Variants in SCARF2 observed in about 807,000 individuals in gnomAD.
SCARF2 encodes the protein scavenger receptor expressed by endothelial cells 2 protein.
A neutral mutation model predicts 73.4 loss-of-function variants in SCARF2; 39 were observed. The ratio of observed to expected loss-of-function variants is 0.53; its 90% CI spans 0.41 to 0.69. SCARF2 has a LOEUF of 0.69. Ranked by LOEUF, SCARF2 falls within the 30% of genes least tolerant of loss-of-function variation. The pLI is 0.00. For synonymous variants in SCARF2, 605 were observed against 590.0 expected (o/e 1.03, Z -0.37); for missense variants, 1,148 against 1,303.5 (o/e 0.88, Z 1.84).
chr22:20,425,984 C>G lies in SCARF2; in HGVS notation c.1992G>C (p.Lys664Asn), dbSNP rs2052572779. ...PPPPDPATKP[K>N]VSWIHGKHSA... Reference sequence around the variant, plus strand: ...TGTGCTTGCCGTGGATCCAGGACACCTTAGGCTTGGTGGCGGGGTCAGGTG... The same window carrying G: ...TGTGCTTGCCGTGGATCCAGGACACGTTAGGCTTGGTGGCGGGGTCAGGTG... Residue 664 changes from lysine to asparagine, a missense_variant, in exon 11 of 11, where the codon AAG becomes AAC. Physicochemically the swap from Lys to Asn is moderately conservative, Grantham distance 94. This residue lies in a region of SCARF2 where 437 missense variants were observed against 433.6 expected (regional missense o/e 1.01). Coordinates refer to ENST00000622235, the MANE Select transcript of SCARF2 (RefSeq NM_182895.5). The surrounding 1 kb of genome is among the most constrained non-coding windows in gnomAD (Gnocchi z 4.6). 1 of 1,589,500 alleles carries G rather than the reference C, an allele frequency of 6.3e-7. No individual in the cohort carries two copies. The highest frequency in any genetic ancestry group is 8.5e-7 in the Non-Finnish European group (1 of 1,173,416).
intron 10 of SCARF2, among the ~76,000 whole-genome samples, chr22:20,426,511 C>T (rs1206766453): frequency 6.6e-6 from 1 of 152,250 alleles, no homozygotes; most frequent in Non-Finnish European, 1.5e-5. Flanking sequence ...TGGGCGCATT[C>T]CCGCGACTGA....
Position 20,431,346 on chromosome 22 carries a change from A to G in SCARF2, c.526T>C (p.Trp176Arg). Residue 176 changes from tryptophan to arginine, a missense_variant, in exon 4 of 11, where the codon TGG (tryptophan) becomes CGG (arginine). Trp to Arg is a moderately radical substitution (Grantham distance 101). Coordinates refer to ENST00000622235, the MANE Select transcript of SCARF2 (RefSeq NM_182895.5). ...GCGCTGGCGCACTGCGCGCCCCACC[A>G]GCCGGGCTCACAGCGGCACGCGCCG... is the stretch of plus-strand genomic sequence containing the variant. ...RSGACRCEPG[W>R]WGAQCASACY... 1 of 1,509,288 alleles carries G rather than the reference A, an allele frequency of 6.6e-7. No homozygotes were observed. 93.5% of individuals were successfully genotyped at this position (1,509,288 alleles called of 1,614,324 possible).
At position 20,437,710 on chromosome 22, in the gene SCARF2, C is replaced by T; in HGVS notation, c.45G>A (p.Arg15=). ...GPRGAGPARR[R]GAGGPPSPLL... The stretch of plus-strand genomic sequence containing the variant: ...GCGGTGACGGCGGCCCCCCGGCTCC[C>T]CGGCGCCGCGCCGGCCCGGCCCCCC... Residue 15 remains arginine, a synonymous_variant, in exon 1 of 11, where the codon CGG becomes CGA. Transcript: ENST00000622235. 1 of 1,416,378 alleles carries T rather than the reference C, an allele frequency of 7.1e-7. No homozygotes were observed. Among genetic ancestry groups the T allele is most frequent in the Non-Finnish European group, 9.2e-7 (1 of 1,089,810 alleles). The allele number at this position is 1,416,378 out of a possible 1,614,324, so 87.7% of individuals were successfully genotyped here. A position where few individuals can be genotyped will look rare whatever the true frequency, so the allele number is the denominator to read the frequency against.
In SCARF2 at chr22:20,425,469, G is replaced by T. The variant is rs757684367; in HGVS notation, c.2507C>A (p.Thr836Asn). ...KAATDLPAPE[T>N]PRKKTPIQKP... ...CTGGATGGGGGTCTTCTTCCGGGGGGTCTCAGGCGCGGGCAAGTCGGTCGC... is the reference window on the plus strand; with the variant it reads ...CTGGATGGGGGTCTTCTTCCGGGGGTTCTCAGGCGCGGGCAAGTCGGTCGC... The change falls in exon 11 of 11, where the codon ACC (threonine) becomes AAC (asparagine). Residue 836 changes from threonine (T) to asparagine (N), a missense_variant. Thr to Asn is a moderately conservative substitution (Grantham distance 65, BLOSUM62 0). Transcript: ENST00000622235. This position sits in a 1 kb window ranked among gnomAD's most constrained non-coding sequence, Gnocchi z 4.6. 7.9e-6 allele frequency: 11 copies of T among 1,400,422 alleles called. No individual in the cohort carries two copies. The highest frequency in any genetic ancestry group is 5.5e-5 in the Admixed American group (2 of 36,112). The allele number at this position is 1,400,422 out of a possible 1,614,324, so 86.7% of individuals were successfully genotyped here.
chr22:20,436,481 C>T (rs1332099176), intron 1 of SCARF2, among the ~76,000 whole-genome samples: 1 of 152,038 alleles, frequency 6.6e-6, no homozygotes, highest in Non-Finnish European at 1.5e-5. Flanking sequence ...CCAGGCCGGC[C>T]CCCGCCCCGG....
At position 20,431,460 on chromosome 22, in the gene SCARF2, T is replaced by TCACG; in HGVS notation, c.408_411dup (p.Thr138ArgfsTer37). 6.4e-7 allele frequency: 1 copy of TCACG among 1,563,234 alleles called. No individual in the cohort carries two copies. Among genetic ancestry groups the TCACG allele is most frequent in the Non-Finnish European group, 8.6e-7 (1 of 1,163,054 alleles). On this transcript the variant is annotated frameshift_variant, in exon 4 of 11. Transcript: ENST00000622235. LOFTEE classifies it high-confidence loss of function. Reference sequence around the variant, plus strand: ...CGCGCGTGACAAGTACACTGGCCTGTCACGTCCTCGCACTGCCCGTGTGGG... The same window carrying TCACG: ...CGCGCGTGACAAGTACACTGGCCTGTCACGCACGTCCTCGCACTGCCCGTGTGGG...
chr22:20,433,677 T>C (rs2052670292), intron 1 of SCARF2, among the ~76,000 whole-genome samples: 1 of 152,196 alleles, frequency 6.6e-6, no homozygotes, highest in Non-Finnish European at 1.5e-5. Context: ...GGGGAATTGG[T>C]CCAGTGTATT....
chr22:20,426,490 G>T (rs2052579909), intron 10 of SCARF2, among the ~76,000 whole-genome samples: 1 of 152,254 alleles, frequency 6.6e-6, no homozygotes, highest in African/African-American at 2.4e-5. Flanking sequence ...CTCAGGCTGT[G>T]CAAGGAGTGA....
chr22:20,430,422 C>T lies in SCARF2; in HGVS notation c.1202+7G>A. The T allele has an allele frequency of 6.3e-7, 1 of 1,586,578 alleles. No homozygotes were observed. The highest frequency in any genetic ancestry group is 8.6e-7 in the Non-Finnish European group (1 of 1,166,866). On this transcript the variant is annotated splice_region_variant and intron_variant, in intron 6 of 10. Transcript: ENST00000622235. ...CCCCAACCCCCTCCCGGTCCCGGGG[C>T]ACTCACTGGGGCCCGTGGACGCCAG...
Position 20,431,181 on chromosome 22 carries a change from A to T in SCARF2, c.691T>A (p.Cys231Ser), listed in dbSNP as rs1476366309. Residue 231 changes from cysteine to serine, a missense_variant, in exon 4 of 11, where the codon TGC becomes AGC. Cys to Ser is a moderately radical substitution (Grantham distance 112). This residue lies in a region of SCARF2 where 372 missense variants were observed against 532.0 expected (regional missense o/e 0.70). Transcript: ENST00000622235. ...PCEQQSGRCQCRERTFGARCD... is the reference protein window; with the variant it reads ...PCEQQSGRCQSRERTFGARCD... ...CGCGCGCCGAACGTACGCTCGCGGC[A>T]CTGACAGCGGCCGCTCTGCTGCTCG... 1 of 1,564,572 alleles carries T rather than the reference A, an allele frequency of 6.4e-7. No individual in the cohort carries two copies. The highest frequency in any genetic ancestry group is 1.2e-5 in the South Asian group (1 of 86,584).
In SCARF2 at chr22:20,429,314, G is replaced by A. The variant is rs1307531275; in HGVS notation, c.1451C>T (p.Ala484Val). The part of the protein sequence containing the change: ...RRELSLGRKK[A>V]PHRLCGRFSR... Reference sequence around the variant, plus strand: ...GAAGCGCCCGCATAGTCGGTGCGGCGCCTTCTTCCTCCCAAGCGAAAGCTC... The same window carrying A: ...GAAGCGCCCGCATAGTCGGTGCGGCACCTTCTTCCTCCCAAGCGAAAGCTC... Residue 484 changes from alanine to valine, a missense_variant, in exon 9 of 11, where the codon GCG becomes GTG. Around this residue, in one of 5 missense-constraint regions of SCARF2, gnomAD observed 437 missense variants for 433.6 expected, o/e 1.01. Coordinates refer to ENST00000622235, the MANE Select transcript of SCARF2 (RefSeq NM_182895.5). The surrounding 1 kb of genome is among the most constrained non-coding windows in gnomAD (Gnocchi z 5.2). 1 of 1,609,796 alleles carries A rather than the reference G, an allele frequency of 6.2e-7. No individual in the cohort carries two copies. Among genetic ancestry groups the A allele is most frequent in the Non-Finnish European group, 8.5e-7 (1 of 1,178,694 alleles).
chr22:20,425,381 G>A lies in SCARF2; in HGVS notation c.2595C>T (p.Thr865=). The part of the protein sequence containing the change: ...AGELGRAGAP[T]L ...GCGGACGAGCCACAGCCTGCTACAG[G>A]GTGGGTGCGCCCGCCCTGCCCAGCT... The change falls in exon 11 of 11, where the codon ACC becomes ACT. Residue 865 remains threonine, a synonymous_variant. Coordinates refer to ENST00000622235, the MANE Select transcript of SCARF2 (RefSeq NM_182895.5). The surrounding 1 kb of genome is among the most constrained non-coding windows in gnomAD (Gnocchi z 4.6). 1 of 1,425,398 alleles carries A rather than the reference G, an allele frequency of 7.0e-7. No homozygotes were observed. Among genetic ancestry groups the A allele is most frequent in the South Asian group, 1.4e-5 (1 of 70,774 alleles). 88.3% of individuals were successfully genotyped at this position (1,425,398 alleles called of 1,614,324 possible).
In SCARF2 at chr22:20,426,121, C is replaced by T. The variant is rs1296097715; in HGVS notation, c.1855G>A (p.Gly619Arg). Residue 619 changes from glycine to arginine, a missense_variant, in exon 11 of 11, where the codon GGA becomes AGA. Gly to Arg is a moderately radical substitution (Grantham distance 125, BLOSUM62 -2). Transcript: ENST00000622235. ...ERSASSVEGPGGALYARVARR... is the reference protein window; with the variant it reads ...ERSASSVEGPRGALYARVARR... ...GCCACGCGCGCGTACAGAGCCCCTC[C>T]GGGCCCCTCCACGCTGGACGCCGAC... 2 of 1,474,048 alleles carry T rather than the reference C, an allele frequency of 1.4e-6. No individual in the cohort carries two copies. The highest frequency in any genetic ancestry group is 1.3e-5 in the South Asian group (1 of 74,122). The allele number at this position is 1,474,048 out of a possible 1,614,324, so 91.3% of individuals were successfully genotyped here.
In SCARF2 at chr22:20,425,806, G is replaced by A. The variant is rs781172117; in HGVS notation, c.2170C>T (p.Pro724Ser). 7 of 1,518,356 alleles carry A rather than the reference G, an allele frequency of 4.6e-6. No homozygotes were observed. Among genetic ancestry groups the A allele is most frequent in the Admixed American group, 2.0e-5 (1 of 48,790 alleles). 94.1% of individuals were successfully genotyped at this position (1,518,356 alleles called of 1,614,324 possible). Residue 724 changes from proline (P) to serine (S), a missense_variant, in exon 11 of 11, where the codon CCC becomes TCC. Physicochemically the swap from Pro to Ser is moderately conservative, Grantham distance 74 (BLOSUM62 -1). Coordinates refer to ENST00000622235, the MANE Select transcript of SCARF2 (RefSeq NM_182895.5). The surrounding 1 kb of genome is among the most constrained non-coding windows in gnomAD (Gnocchi z 4.6). ...GCTGTCGCCTCCTCGGGCAGCCCGG[G>A]GGGCCGCGGCGTTGGGTCGCGGGTC... ...PRTRDPTPRP[P>S]GLPEEATALA...
In SCARF2 at chr22:20,426,269, C is replaced by G; in HGVS notation, c.1707G>C (p.Glu569Asp). 2 of 1,534,220 alleles carry G rather than the reference C, an allele frequency of 1.3e-6. No individual in the cohort carries two copies. The highest frequency in any genetic ancestry group is 1.7e-6 in the Non-Finnish European group (2 of 1,146,680). ...YCVPHEEAPA[E>D]SRDPEVPTVP... ...CAGTGGGGACTTCGGGGTCCCGGCT[C>G]TCCGCTGGTGCCTCTGGCAAGGGAA... is the stretch of plus-strand genomic sequence containing the variant. Residue 569 changes from glutamate (E) to aspartate (D), a missense_variant, in exon 11 of 11, where the codon GAG (glutamate) becomes GAC (aspartate). Around this residue, in one of 5 missense-constraint regions of SCARF2, gnomAD observed 437 missense variants for 433.6 expected, o/e 1.01. Coordinates refer to ENST00000622235, the MANE Select transcript of SCARF2 (RefSeq NM_182895.5).
At chr22:20,431,612 G>C in intron 3 of SCARF2, 75 bp from the exon 4 acceptor site, 1 of 1,542,380 alleles carries the variant, frequency 6.5e-7, no homozygotes, top group Non-Finnish European at 8.7e-7. Flanking sequence ...GAACCTGCCC[G>C]CGTCCCGCAC....
rs747111733 is a variant in SCARF2 at position 20,430,570 on chromosome 22, G to A, written c.1074-13C>T. 9.9e-6 allele frequency: 16 copies of A among 1,611,944 alleles called. No individual in the cohort carries two copies. Among genetic ancestry groups the A allele is most frequent in the Admixed American group, 3.3e-5 (2 of 59,884 alleles). ...CTTGGTCTCGCACCTTGGAAAGAGG[G>A]GAGGAGGCGTCAGCAGAAATGGAGG... On this transcript the variant is annotated splice_polypyrimidine_tract_variant and intron_variant, in intron 5 of 10. Coordinates refer to ENST00000622235, the MANE Select transcript of SCARF2 (RefSeq NM_182895.5).
At chr22:20,432,780 G>A (rs1253053115) in intron 1 of SCARF2, among the ~76,000 whole-genome samples, 2 of 152,170 alleles carry the variant, frequency 1.3e-5, no homozygotes, top group South Asian at 2.1e-4. Context: ...GCAGTGGCAC[G>A]ATCTCGGCTC....
chr22:20,428,234 CCCTT>C (rs1206794692), intron 9 of SCARF2, among the ~76,000 whole-genome samples: 9 of 134,650 alleles, frequency 6.7e-5, no homozygotes, highest in East Asian at 2.8e-4. Flanking sequence ...CTCCCTCCCT[CCCTT>C]CCTTCTCTTT....
Sources: gnomAD v4.1 joint callset for allele counts (sites outside exome capture counted in the v4.1 genomes callset) on GRCh38, gnomAD v4.1.1 for gene constraint, gnomAD v4.1.1 regional missense constraint, Gnocchi (gnomAD v3.1) non-coding constraint, MANE v1.5 for transcripts, NCBI Gene and HGNC (gene_info 2026-07-23, HGNC 2026-07-21) for gene names.